CAMKMT: variants seen among roughly 807,000 people sequenced by gnomAD.
CAMKMT encodes calmodulin-lysine N-methyltransferase, also known as CaM KMT.
CAMKMT carries 53 observed loss-of-function variants against 48.0 expected under a neutral mutation model. The ratio of observed to expected loss-of-function variants is 1.10; its 90% confidence interval spans 0.89 to 1.39. The LOEUF (loss-of-function observed/expected upper bound fraction) is 1.39. CAMKMT is among the 40% of genes most tolerant of loss of function. The pLI, the probability that CAMKMT is intolerant of heterozygous loss-of-function variation, is 0.00. For missense variants in CAMKMT, 428 were observed against 402.7 expected, an observed-to-expected ratio of 1.06 and a Z score of -0.54; for synonymous variants, 165 against 152.3, an observed-to-expected ratio of 1.08 and a Z score of -0.61.
At chr2:44,497,721 G>C (rs1255069127) in intron 3 of CAMKMT, among the ~76,000 whole-genome samples, 2 of 151,600 alleles carry the variant, frequency 1.3e-5, no homozygotes, top group Non-Finnish European at 2.9e-5. Context: ...GAGAGAGAGA[G>C]AGAGAGAGAG....
intron 8 of CAMKMT, among the ~76,000 whole-genome samples, chr2:44,747,438 C>A (rs1679967996): frequency 6.6e-6 from 1 of 152,168 alleles, no homozygotes; most frequent in South Asian, 2.1e-4. Flanking sequence ...TTTCACCTGA[C>A]ACCTGAGAAG....
chr2:44,377,019 T>G (rs969673225), intron 2 of CAMKMT, among the ~76,000 whole-genome samples: 1 of 152,088 alleles, frequency 6.6e-6, no homozygotes, highest in Non-Finnish European at 1.5e-5. Context: ...TCTTTCTTCC[T>G]CTTTTTTGAG....
chr2:44,770,430 A>G (rs1681055554), intron 10 of CAMKMT, among the ~76,000 whole-genome samples: 1 of 152,250 alleles, frequency 6.6e-6, no homozygotes, highest in Non-Finnish European at 1.5e-5. Flanking sequence ...TATTTACAGA[A>G]GAATTATTTA....
intron 7 of CAMKMT, among the ~76,000 whole-genome samples, chr2:44,729,057 G>C (rs777659073): frequency 6.6e-6 from 1 of 151,602 alleles, no homozygotes; most frequent in Non-Finnish European, 1.5e-5. Context: ...GTACCGGAGA[G>C]AGAAAAAGAG....
intron 3 of CAMKMT, among the ~76,000 whole-genome samples, chr2:44,634,292 T>C (rs1001344380): frequency 6.6e-6 from 1 of 151,884 alleles, no homozygotes; most frequent in African/African-American, 2.4e-5. Context: ...CCTCCTCAAC[T>C]TAATGAGTCA....
intron 3 of CAMKMT, among the ~76,000 whole-genome samples, chr2:44,412,078 CATT>C (rs561354611): frequency 2.3e-3 from 328 of 140,672 alleles, no homozygotes; most frequent in Non-Finnish European, 3.6e-3. Flanking sequence ...AGGATAAAGA[CATT>C]ATCAGAGAAA....
chr2:44,698,138 A>G (rs1180379783), intron 3 of CAMKMT, among the ~76,000 whole-genome samples: 1 of 152,224 alleles, frequency 6.6e-6, no homozygotes, highest in Non-Finnish European at 1.5e-5. Flanking sequence ...ATACCATACA[A>G]TTCATCCAGT....
intron 3 of CAMKMT, among the ~76,000 whole-genome samples, chr2:44,685,282 G>GT (rs1181680498): frequency 6.6e-6 from 1 of 152,132 alleles, no homozygotes; most frequent in African/African-American, 2.4e-5. Flanking sequence ...TAAAACAGAC[G>GT]TGAGGATGAA....
intron 3 of CAMKMT, among the ~76,000 whole-genome samples, chr2:44,502,991 A>C (rs1572663307): frequency 6.6e-6 from 1 of 152,122 alleles, no homozygotes; most frequent in East Asian, 1.9e-4. Flanking sequence ...TCTTTGTCAC[A>C]GTTTTATTAG....
At chr2:44,472,433 A>G (rs1668469881) in intron 3 of CAMKMT, among the ~76,000 whole-genome samples, 1 of 152,234 alleles carries the variant, frequency 6.6e-6, no homozygotes, top group African/African-American at 2.4e-5. Context: ...TGTAGCTATT[A>G]CTACTGTTGC....
intron 3 of CAMKMT, among the ~76,000 whole-genome samples, chr2:44,663,949 G>C (rs1396730258): frequency 6.6e-6 from 1 of 151,076 alleles, no homozygotes; most frequent in Non-Finnish European, 1.5e-5. Flanking sequence ...AGTCTAAGGA[G>C]AAAAAAAAAT....
intron 3 of CAMKMT, among the ~76,000 whole-genome samples, chr2:44,548,516 C>A (rs542619519): frequency 1.4e-4 from 21 of 152,262 alleles, no homozygotes; most frequent in Admixed American, 8.5e-4. Flanking sequence ...GGTATTTAGC[C>A]ATACGTTATC....
At chr2:44,619,973 T>G (rs759606095) in intron 3 of CAMKMT, among the ~76,000 whole-genome samples, 7 of 152,182 alleles carry the variant, frequency 4.6e-5, no homozygotes, top group Non-Finnish European at 7.4e-5. Flanking sequence ...CCATGCCCAG[T>G]CTTGCCCGCT....
intron 3 of CAMKMT, among the ~76,000 whole-genome samples, chr2:44,468,082 G>A (rs1456575777): frequency 7.2e-5 from 11 of 152,170 alleles, no homozygotes; most frequent in Admixed American, 7.2e-4. Flanking sequence ...GGAAGAATGG[G>A]AGACAATATT....
intron 3 of CAMKMT, among the ~76,000 whole-genome samples, chr2:44,696,678 C>A (rs1181982315): frequency 6.6e-6 from 1 of 151,860 alleles, no homozygotes; most frequent in Non-Finnish European, 1.5e-5. Context: ...CACCCTCACC[C>A]CACTCACCTA....
At chr2:44,521,558 C>A (rs575096499) in intron 3 of CAMKMT, among the ~76,000 whole-genome samples, 1 of 152,334 alleles carries the variant, frequency 6.6e-6, no homozygotes, top group African/African-American at 2.4e-5. Context: ...GGATTACAGG[C>A]CTGAGCCATC....
intron 6 of CAMKMT, among the ~76,000 whole-genome samples, chr2:44,708,152 A>C (rs992458092): frequency 1.6e-4 from 23 of 147,690 alleles, no homozygotes; most frequent in Non-Finnish European, 3.1e-4. Flanking sequence ...TGATTTGTTC[A>C]GGGGCAGTTA....
chr2:44,682,014 T>C (rs900029090), intron 3 of CAMKMT, among the ~76,000 whole-genome samples: 1 of 152,252 alleles, frequency 6.6e-6, no homozygotes, highest in Non-Finnish European at 1.5e-5. Context: ...CTGCCCTTTT[T>C]TCTCTGCCCC....
chr2:44,532,057 CAGAATGTGTA>C (rs1233279530), intron 3 of CAMKMT, among the ~76,000 whole-genome samples: 1 of 152,174 alleles, frequency 6.6e-6, no homozygotes, highest in Non-Finnish European at 1.5e-5. Context: ...GACCTCTGTA[CAGAATGTGTA>C]TATGTAGGTA....
Sources: allele counts gnomAD v4.1 joint callset (sites outside exome capture counted in the v4.1 genomes callset), GRCh38; gene constraint gnomAD v4.1.1; transcripts MANE v1.5; gene names NCBI Gene and HGNC (gene_info 2026-07-23, HGNC 2026-07-21).